NLRP8: variants seen among roughly 807,000 people sequenced by gnomAD.
The protein encoded by NLRP8 is NLR family pyrin domain containing 8, also known as NACHT, LRR and PYD domains-containing protein 8.
NLRP8 carries 86 observed loss-of-function variants against 88.7 expected under a neutral mutation model. The observed-to-expected ratio is 0.97, with a 90% CI of 0.81 to 1.16. The LOEUF is 1.16. Among genes scored for constraint, NLRP8 ranks in the 50% most tolerant of loss-of-function variants. NLRP8 has a pLI of 0.00. For synonymous variants in NLRP8, 504 were observed against 494.6 expected, an observed-to-expected ratio of 1.02 and a Z score of -0.25; for missense variants, 1,342 against 1,286.5, an observed-to-expected ratio of 1.04 and a Z score of -0.66.
chr19:55,964,979 C>T (rs1427119653), intron 4 of NLRP8, among the ~76,000 whole-genome samples: 2 of 151,904 alleles, frequency 1.3e-5, no homozygotes, highest in Non-Finnish European at 2.9e-5. Flanking sequence ...AATCTGTGTC[C>T]CTGGTTTTAG....
chr19:55,963,282 G>A (rs1376477701), intron 4 of NLRP8, among the ~76,000 whole-genome samples: 35 of 152,194 alleles, frequency 2.3e-4, no homozygotes, highest in Admixed American at 2.3e-3. Context: ...CCAAGGTGCT[G>A]GGATTACAGA....
chr19:55,957,169 G>C (rs543585212), intron 3 of NLRP8, among the ~76,000 whole-genome samples: 2 of 152,268 alleles, frequency 1.3e-5, no homozygotes, highest in East Asian at 1.9e-4. Flanking sequence ...TGATGATGAA[G>C]ACATCCTGAA....
At chr19:55,966,086 G>A in intron 4 of NLRP8, 127 bp from the exon 5 acceptor site, 1 of 739,164 alleles carries the variant, frequency 1.4e-6, no homozygotes, top group East Asian at 2.5e-5. Context: ...GAATTCAGTT[G>A]TAAACCCCCT....
At chr19:55,960,040 A>G (rs929853593) in intron 3 of NLRP8, among the ~76,000 whole-genome samples, 1 of 152,046 alleles carries the variant, frequency 6.6e-6, no homozygotes, top group Middle Eastern at 3.2e-3. Context: ...TCAGACCCCT[A>G]ATAAAAACTT....
chr19:55,950,924 A>G (rs1979067657), intron 1 of NLRP8, among the ~76,000 whole-genome samples: 1 of 152,122 alleles, frequency 6.6e-6, no homozygotes, highest in Non-Finnish European at 1.5e-5. Flanking sequence ...CTAAAAATAC[A>G]GAAATTAGCC....
intron 9 of NLRP8, among the ~76,000 whole-genome samples, chr19:55,986,733 G>A (rs2050933823): frequency 6.6e-6 from 1 of 152,192 alleles, no homozygotes; most frequent in Non-Finnish European, 1.5e-5. Context: ...ATCGCCACGT[G>A]GGCGTGGAGC....
At chr19:55,978,672 G>A (rs570256324) in intron 8 of NLRP8, among the ~76,000 whole-genome samples, 3 of 152,254 alleles carry the variant, frequency 2.0e-5, no homozygotes, top group South Asian at 2.1e-4. Flanking sequence ...TATGATACAC[G>A]GCACCTCTTT....
intron 4 of NLRP8, 58 bp downstream of exon 4, chr19:55,962,295 C>T: frequency 6.5e-7 from 1 of 1,526,930 alleles, no homozygotes; most frequent in Middle Eastern, 2.4e-4. Context: ...TGTTTCCCAT[C>T]CACTTTCTTC....
At chr19:55,970,153 T>A (rs1032684474) in intron 5 of NLRP8, among the ~76,000 whole-genome samples, 2 of 152,212 alleles carry the variant, frequency 1.3e-5, no homozygotes, top group African/African-American at 4.8e-5. Flanking sequence ...ATTAAATTGG[T>A]GAGATGATGG....
At chr19:55,986,677 C>T (rs918296251) in intron 9 of NLRP8, among the ~76,000 whole-genome samples, 2 of 152,180 alleles carry the variant, frequency 1.3e-5, no homozygotes, top group African/African-American at 4.8e-5. Context: ...CCGGTTGCAG[C>T]CAATGAGCAG....
intron 9 of NLRP8, among the ~76,000 whole-genome samples, chr19:55,983,324 C>T (rs1004062462): frequency 2.0e-5 from 3 of 151,392 alleles, no homozygotes; most frequent in African/African-American, 2.4e-5. Flanking sequence ...ATTAGCCGGG[C>T]GTGGTGGTGC....
At chr19:55,948,960 A>G (rs368236330) in intron 1 of NLRP8, among the ~76,000 whole-genome samples, 1 of 152,200 alleles carries the variant, frequency 6.6e-6, no homozygotes, top group Non-Finnish European at 1.5e-5. Flanking sequence ...GGTGAATCCC[A>G]CTGGAGGATA....
In NLRP8 at chr19:55,956,155, T is replaced by C. The variant is rs564448035; in HGVS notation, c.2042+55T>C. 19 of 1,540,784 alleles carry C rather than the reference T, an allele frequency of 1.2e-5. 1 individual carries two copies. In the African/African-American group the frequency reaches 2.1e-4, roughly 17 times the overall value. ...CCGTCCTACCCGGAGGCCTTGACTATGGTGTCCCGGGTGTTTAGGGGGTCA... is the reference window on the plus strand; with the variant it reads ...CCGTCCTACCCGGAGGCCTTGACTACGGTGTCCCGGGTGTTTAGGGGGTCA... On this transcript the variant is annotated intron_variant, in intron 3 of 9. Coordinates refer to ENST00000291971, the MANE Select transcript of NLRP8 (RefSeq NM_176811.2).
chr19:55,952,658 G>A, intron 2 of NLRP8, 46 bp downstream of exon 2: 1 of 1,493,412 alleles, frequency 6.7e-7, no homozygotes, highest in East Asian at 2.3e-5. Flanking sequence ...AATGGGCTAT[G>A]GACTGGGATG....
intron 3 of NLRP8, among the ~76,000 whole-genome samples, chr19:55,961,566 C>G (rs981493142): frequency 1.3e-5 from 2 of 152,130 alleles, no homozygotes; most frequent in African/African-American, 2.4e-5. Flanking sequence ...CTTTGGGAGG[C>G]CAAGGCAGGA....
intron 2 of NLRP8, among the ~76,000 whole-genome samples, chr19:55,952,873 G>A (rs565276753): frequency 1.3e-5 from 2 of 152,052 alleles, no homozygotes; most frequent in African/African-American, 4.8e-5. Context: ...GTTGCAGTGA[G>A]GTGAGATCAC....
At chr19:55,976,059 T>A in intron 7 of NLRP8, 74 bp from the exon 8 acceptor site, 2 of 1,335,938 alleles carry the variant, frequency 1.5e-6, no homozygotes, top group Non-Finnish European at 1.0e-6. Context: ...CCTAAGGGTG[T>A]TTTCGTTGTT....
At chr19:55,956,655 A>T (rs1190295522) in intron 3 of NLRP8, among the ~76,000 whole-genome samples, 1 of 152,112 alleles carries the variant, frequency 6.6e-6, no homozygotes, top group East Asian at 1.9e-4. Context: ...ACTTTGTTTT[A>T]CTGCCAGGAC....
intron 1 of NLRP8, among the ~76,000 whole-genome samples, 189 bp from the exon 2 acceptor site, chr19:55,952,349 A>G (rs966664632): frequency 1.3e-5 from 2 of 152,072 alleles, no homozygotes; most frequent in Non-Finnish European, 2.9e-5. Flanking sequence ...ACCTTTTCTC[A>G]TTTCCTAAAA....
Sources: gnomAD v4.1 joint callset for allele counts (sites outside exome capture counted in the v4.1 genomes callset) on GRCh38, gnomAD v4.1.1 for gene constraint, MANE v1.5 for transcripts, NCBI Gene and HGNC (gene_info 2026-07-23, HGNC 2026-07-21) for gene names.